Variants in NBEA observed in about 807,000 individuals in gnomAD.
NBEA encodes lysosomal-trafficking regulator 2.
In NBEA, 44 loss-of-function variants were observed where a neutral mutation model predicts 343.4. The ratio of observed to expected loss-of-function variants is 0.13; its 90% confidence interval spans 0.10 to 0.16. The LOEUF (loss-of-function observed/expected upper bound fraction) is 0.16, where lower values mean the gene tolerates loss of function less well. Among genes scored for constraint, NBEA ranks in the 10% least tolerant of loss-of-function variants. The pLI, the probability that NBEA is intolerant of heterozygous loss-of-function variation, is 1.00. For synonymous variants in NBEA, 1,175 were observed against 1,238.7 expected, an observed-to-expected ratio of 0.95 and a Z score of 1.08; for missense variants, 2,555 against 3,631.3, an observed-to-expected ratio of 0.70 and a Z score of 7.62.
chr13:35,191,391 A>G (rs1241415328), intron 30 of NBEA, among the ~76,000 whole-genome samples: 1 of 152,084 alleles, frequency 6.6e-6, no homozygotes, highest in African/African-American at 2.4e-5. Context: ...TTGGCTCTTA[A>G]TTTTCATTTT....
At chr13:35,417,210 G>A (rs1014974615) in intron 38 of NBEA, among the ~76,000 whole-genome samples, 3 of 151,940 alleles carry the variant, frequency 2.0e-5, no homozygotes, top group Non-Finnish European at 4.4e-5. Flanking sequence ...TTAATTTTTT[G>A]AAGGGTTTTT....
chr13:35,613,794 A>G (rs537117879), intron 48 of NBEA, among the ~76,000 whole-genome samples: 3 of 151,366 alleles, frequency 2.0e-5, no homozygotes, highest in Non-Finnish European at 4.4e-5. Context: ...CTAATTTTTA[A>G]ATTTGTTATA....
intron 47 of NBEA, among the ~76,000 whole-genome samples, chr13:35,599,119 A>T (rs1332821652): frequency 6.6e-6 from 1 of 152,126 alleles, no homozygotes; most frequent in Non-Finnish European, 1.5e-5. Flanking sequence ...CCACTACTTA[A>T]GAGGGACTGC....
chr13:35,308,471 TA>T (rs1199916438), intron 35 of NBEA, among the ~76,000 whole-genome samples: 2 of 104,482 alleles, frequency 1.9e-5, no homozygotes, highest in Non-Finnish European at 1.9e-5. Flanking sequence ...TATATATATA[TA>T]TGTATATATA....
chr13:35,090,785 C>T (rs2065041504), intron 10 of NBEA, among the ~76,000 whole-genome samples: 1 of 151,870 alleles, frequency 6.6e-6, no homozygotes, highest in Admixed American at 6.6e-5. Flanking sequence ...GTTTCTCCTA[C>T]TCAATGCAAG....
At chr13:35,132,415 C>T (rs2067479980) in intron 17 of NBEA, among the ~76,000 whole-genome samples, 1 of 152,158 alleles carries the variant, frequency 6.6e-6, no homozygotes, top group South Asian at 2.1e-4. Context: ...CCACCCCAGC[C>T]TCCCAAAGTG....
At chr13:35,654,734 A>T (rs2084727158) in intron 53 of NBEA, 121 bp from the exon 54 acceptor site, 1 of 714,040 alleles carries the variant, frequency 1.4e-6, no homozygotes. Context: ...TAATAATCTC[A>T]TACCATTAAA....
chr13:35,542,264 A>G (rs1224837884), intron 41 of NBEA, among the ~76,000 whole-genome samples: 1 of 151,810 alleles, frequency 6.6e-6, no homozygotes, highest in African/African-American at 2.4e-5. Flanking sequence ...TTTAATTTTC[A>G]TTGAGGATGT....
chr13:35,343,889 A>T (rs966504963), intron 36 of NBEA, among the ~76,000 whole-genome samples: 4 of 152,076 alleles, frequency 2.6e-5, no homozygotes, highest in Non-Finnish European at 5.9e-5. Flanking sequence ...ACAATGTAAT[A>T]ATAATAGGAA....
intron 13 of NBEA, among the ~76,000 whole-genome samples, chr13:35,113,556 G>A (rs945651538): frequency 1.3e-5 from 2 of 151,814 alleles, no homozygotes; most frequent in Non-Finnish European, 2.9e-5. Flanking sequence ...CATATCTACT[G>A]TAAGGAAGAA....
At chr13:35,368,039 C>G (rs9315340) in intron 38 of NBEA, among the ~76,000 whole-genome samples, 1 of 151,184 alleles carries the variant, frequency 6.6e-6, no homozygotes, top group African/African-American at 2.4e-5. Context: ...ATGTGAATAT[C>G]GGTTCCAAGT....
At chr13:35,384,737 G>A (rs908058792) in intron 38 of NBEA, among the ~76,000 whole-genome samples, 19 of 152,034 alleles carry the variant, frequency 1.2e-4, no homozygotes, top group Middle Eastern at 6.3e-3. Flanking sequence ...TGTTGGCCAA[G>A]CTGGTCTTGA....
intron 34 of NBEA, 88 bp from the exon 35 acceptor site, chr13:35,290,301 T>A (rs1005404883): frequency 3.5e-6 from 3 of 848,386 alleles, no homozygotes; most frequent in African/African-American, 1.8e-5. Context: ...AAGTTTTTTT[T>A]ATAAATTAAA....
At chr13:35,073,523 TCTA>T (rs1479551372) in intron 10 of NBEA, among the ~76,000 whole-genome samples, 1 of 152,218 alleles carries the variant, frequency 6.6e-6, no homozygotes, top group Non-Finnish European at 1.5e-5. Flanking sequence ...CATAGTTTTC[TCTA>T]CTAAGTAGTA....
At chr13:35,356,087 A>G (rs1385420130) in intron 38 of NBEA, among the ~76,000 whole-genome samples, 1 of 152,182 alleles carries the variant, frequency 6.6e-6, no homozygotes, top group Non-Finnish European at 1.5e-5. Context: ...AAATTTGTGA[A>G]TAAATTAATG....
At position 35,439,679 on chromosome 13, in the gene NBEA, A is replaced by G. The variant is rs56303486; in HGVS notation, c.6304+7286A>G. On this transcript the variant is annotated intron_variant, in intron 39 of 58. Coordinates refer to ENST00000379939, the MANE Select transcript of NBEA (RefSeq NM_001385012.1). ...ACACCAACATGGCACATGTATACAT[A>G]TGTAACAAACCTGCACGTTGTGCAC... 5.8e-3 allele frequency among the ~76,000 whole-genome samples: 889 copies of G among 152,328 alleles called. 16 individuals carry two copies. The highest frequency in any genetic ancestry group is 0.02 in the African/African-American group (838 of 41,570).
intron 1 of NBEA, among the ~76,000 whole-genome samples, chr13:35,027,801 T>C (rs1461053645): frequency 6.6e-6 from 1 of 151,968 alleles, no homozygotes; most frequent in African/African-American, 2.4e-5. Context: ...TCTAAAAGTT[T>C]TATATTTTAC....
At chr13:35,319,187 G>A (rs957235339) in intron 36 of NBEA, among the ~76,000 whole-genome samples, 2 of 152,096 alleles carry the variant, frequency 1.3e-5, no homozygotes, top group Non-Finnish European at 2.9e-5. Context: ...CAATTGTGAT[G>A]TTAGGGCATT....
intron 34 of NBEA, chr13:35,251,530 C>A: frequency 8.8e-7 from 1 of 1,142,080 alleles, no homozygotes; most frequent in Non-Finnish European, 1.1e-6. Flanking sequence ...TGGGCTCATC[C>A]TGGACGTCAT....
Sources: gnomAD v4.1 joint callset for allele counts (sites outside exome capture counted in the v4.1 genomes callset) on GRCh38, gnomAD v4.1.1 for gene constraint, MANE v1.5 for transcripts, NCBI Gene and HGNC (gene_info 2026-07-23, HGNC 2026-07-21) for gene names.